The following TARS3 variants were observed in gnomAD, a reference collection of about 807,000 sequenced individuals.
TARS3 encodes the protein threonyl-tRNA synthetase 3.
TARS3 carries 94 observed loss-of-function variants against 103.5 expected under a neutral mutation model. The ratio of observed to expected loss-of-function variants is 0.91; its 90% CI spans 0.77 to 1.08. TARS3 has a LOEUF of 1.08. Among genes scored for constraint, TARS3 ranks in the 50% least tolerant of loss-of-function variants. The pLI is 0.00. For missense variants in TARS3, 952 were observed against 995.2 expected, an observed-to-expected ratio of 0.96 and a Z score of 0.58; for synonymous variants, 416 against 355.4, an observed-to-expected ratio of 1.17 and a Z score of -1.92.
At chr15:101,713,644 T>C (rs1361303201) in intron 4 of TARS3, among the ~76,000 whole-genome samples, 1 of 152,236 alleles carries the variant, frequency 6.6e-6, no homozygotes, top group Non-Finnish European at 1.5e-5. Flanking sequence ...TCCAAGGTTC[T>C]GGAATGAGCT....
chr15:101,657,905 A>G lies in TARS3; in HGVS notation c.2073-48T>C, dbSNP rs752103913. 4 of 1,138,856 alleles carry G rather than the reference A, an allele frequency of 3.5e-6. No homozygotes were observed. In the South Asian group the frequency reaches 5.9e-5, roughly 17 times the overall value. The allele number at this position is 1,138,856 out of a possible 1,614,324, so 70.5% of individuals were successfully genotyped here. A position where few individuals can be genotyped will look rare whatever the true frequency, so the allele number is the denominator to read the frequency against. On this transcript the variant is annotated intron_variant, in intron 16 of 18. Coordinates refer to ENST00000335968, the MANE Select transcript of TARS3 (RefSeq NM_152334.3). ...GTATTTTCAAAGTGTAATAATGGCT[A>G]CTTATTACATGATTTTCAAATAACC...
At chr15:101,655,406 C>A (rs1897163100) in intron 18 of TARS3, among the ~76,000 whole-genome samples, 1 of 141,962 alleles carries the variant, frequency 7.0e-6, no homozygotes, top group African/African-American at 2.7e-5. Flanking sequence ...CTCCACCTGG[C>A]ACTAGGGCGC....
At chr15:101,712,125 T>A in intron 4 of TARS3, 124 bp from the exon 5 acceptor site, 1 of 1,069,226 alleles carries the variant, frequency 9.4e-7, no homozygotes. Flanking sequence ...GGCAGCAACA[T>A]CAACTTGAAA....
intron 9 of TARS3, 34 bp downstream of exon 9, chr15:101,702,205 A>G (rs752434631): frequency 1.9e-6 from 3 of 1,606,722 alleles, no homozygotes; most frequent in Non-Finnish European, 1.7e-6. Flanking sequence ...TTGGCTTATG[A>G]TTACATCTCC....
intron 4 of TARS3, among the ~76,000 whole-genome samples, chr15:101,713,538 A>ATGGAGAGGGAGAGAAG (rs140520700): frequency 0.92 from 139,445 of 152,044 alleles, 64,676 homozygotes; most frequent in East Asian, 1. Context: ...GGCAGTGGCA[A>ATGGAGAGGGAGAGAAG]TGGACAGATT....
In TARS3 at chr15:101,724,363, C is replaced by T. The variant is rs1900666955; in HGVS notation, c.25G>A (p.Glu9Lys). The change falls in exon 1 of 19, where the codon GAG (glutamate) becomes AAG (lysine). Residue 9 changes from glutamate to lysine, a missense_variant. Glu to Lys is a moderately conservative substitution (Grantham distance 56). Around this residue, in one of 2 missense-constraint regions of TARS3, gnomAD observed 412 missense variants for 364.2 expected, o/e 1.13. Transcript: ENST00000335968. ...CGCTCCAGGCGCGACGCCACGGCCT[C>T]CGCCGCCAGGGCCTCGGCCGCCATC... MAAEALAA[E>K]AVASRLERQE... The T allele has an allele frequency of 1.3e-6, 2 of 1,537,292 alleles. No homozygotes were observed. Among genetic ancestry groups the T allele is most frequent in the African/African-American group, 2.9e-5 (2 of 70,108 alleles).
At chr15:101,661,672 G>T (rs745379154) in intron 16 of TARS3, 40 bp downstream of exon 16, 13 of 1,214,804 alleles carry the variant, frequency 1.1e-5, no homozygotes, top group Non-Finnish European at 1.4e-5. Flanking sequence ...AAATTAAAAA[G>T]AATAATAGAC....
chr15:101,705,555 G>C, intron 7 of TARS3, 128 bp downstream of exon 7: 1 of 726,332 alleles, frequency 1.4e-6, no homozygotes, highest in African/African-American at 1.8e-5. Flanking sequence ...TTTGAAGATT[G>C]TAACTACGGT....
At chr15:101,662,754 G>A (rs929873073) in intron 15 of TARS3, among the ~76,000 whole-genome samples, 4 of 152,204 alleles carry the variant, frequency 2.6e-5, no homozygotes, top group Admixed American at 1.3e-4. Flanking sequence ...TGTTGATTTT[G>A]TGTAGGGAAG....
intron 6 of TARS3, among the ~76,000 whole-genome samples, chr15:101,707,652 T>A (rs372564741): frequency 1.4e-3 from 216 of 152,136 alleles, no homozygotes; most frequent in African/African-American, 4.9e-3. Flanking sequence ...AGGAACCAAA[T>A]TCAGAGACGG....
intron 12 of TARS3, among the ~76,000 whole-genome samples, chr15:101,679,141 C>G (rs962169431): frequency 6.6e-6 from 1 of 152,004 alleles, no homozygotes; most frequent in African/African-American, 2.4e-5. Flanking sequence ...TGGAGTTTAT[C>G]CTGAACAGCT....
rs111937500 is a variant in TARS3, at chr15:101,711,952, T to C, written c.740A>G (p.Tyr247Cys). 1 of 1,613,946 alleles carries C rather than the reference T, an allele frequency of 6.2e-7. No homozygotes were observed. The highest frequency in any genetic ancestry group is 1.7e-5 in the Admixed American group (1 of 60,018). Residue 247 changes from tyrosine (Y) to cysteine (C), a missense_variant, in exon 5 of 19, where the codon TAC (tyrosine) becomes TGC (cysteine). By Grantham distance (194) the Tyr-to-Cys change is radical. Around this residue, in one of 2 missense-constraint regions of TARS3, gnomAD observed 412 missense variants for 364.2 expected, o/e 1.13. Transcript: ENST00000335968. ...ACCGTAGCACAGGTGGCCTCCATAG[T>C]AAAGCTCCATGGCCTCCCCAAGAAT... Reference protein sequence around the residue: ...AHILGEAMELYYGGHLCYGPP... With the variant: ...AHILGEAMELCYGGHLCYGPP...
Position 101,654,400 on chromosome 15 carries a change from G to A in TARS3, c.*182C>T, listed in dbSNP as rs1365838400. On this transcript the variant is annotated 3_prime_UTR_variant, in exon 19 of 19. Coordinates refer to ENST00000335968, the MANE Select transcript of TARS3 (RefSeq NM_152334.3). Reference sequence around the variant, plus strand: ...CCCACGTGCCCTCTAAACGTCCCCCGTGGACATGAGTAAATTAAACTTCGT... The same window carrying A: ...CCCACGTGCCCTCTAAACGTCCCCCATGGACATGAGTAAATTAAACTTCGT... 11 of 590,874 alleles carry A rather than the reference G, an allele frequency of 1.9e-5. No individual in the cohort carries two copies. The highest frequency in any genetic ancestry group is 6.1e-5 in the South Asian group (2 of 32,886). 36.6% of individuals were successfully genotyped at this position (590,874 alleles called of 1,614,324 possible).
At chr15:101,698,311 C>T (rs539970955) in intron 10 of TARS3, among the ~76,000 whole-genome samples, 20 of 150,906 alleles carry the variant, frequency 1.3e-4, no homozygotes, top group South Asian at 4.3e-4. Context: ...CCAACCTGGG[C>T]GACACAGCGA....
intron 12 of TARS3, among the ~76,000 whole-genome samples, chr15:101,676,984 AGTGT>A (rs1164933753): frequency 6.6e-6 from 1 of 151,842 alleles, no homozygotes; most frequent in Non-Finnish European, 1.5e-5. Flanking sequence ...GACAGGCCCC[AGTGT>A]GTGTTGTTCC....
intron 7 of TARS3, among the ~76,000 whole-genome samples, chr15:101,704,549 G>A (rs1051815245): frequency 6.6e-6 from 1 of 151,872 alleles, no homozygotes; most frequent in African/African-American, 2.4e-5. Flanking sequence ...CAGCTACTTG[G>A]GAGGCTGAGG....
intron 6 of TARS3, among the ~76,000 whole-genome samples, chr15:101,706,544 T>C (rs567796206): frequency 6.6e-6 from 1 of 152,346 alleles, no homozygotes; most frequent in African/African-American, 2.4e-5. Context: ...TATGTTTCTA[T>C]TGGACAGTAC....
chr15:101,657,600 A>G (rs1897237849), intron 17 of TARS3, among the ~76,000 whole-genome samples, 185 bp downstream of exon 17: 1 of 152,270 alleles, frequency 6.6e-6, no homozygotes, highest in Non-Finnish European at 1.5e-5. Flanking sequence ...AAAAACATTA[A>G]GAATGAAATA....
chr15:101,711,819 A>T (rs1045735073), intron 5 of TARS3, 61 bp downstream of exon 5: 5 of 1,581,668 alleles, frequency 3.2e-6, no homozygotes, highest in Non-Finnish European at 4.3e-6. Context: ...CTAGTATGTA[A>T]CCATTACAGA....
Sources: gnomAD v4.1 joint callset for allele counts (sites outside exome capture counted in the v4.1 genomes callset) on GRCh38, gnomAD v4.1.1 for gene constraint, gnomAD v4.1.1 regional missense constraint, MANE v1.5 for transcripts, NCBI Gene and HGNC (gene_info 2026-07-23, HGNC 2026-07-21) for gene names.